Variants in APBB1IP observed in about 807,000 individuals in gnomAD.
The protein encoded by APBB1IP is amyloid beta A4 precursor protein-binding family B member 1-interacting protein.
A neutral mutation model predicts 64.9 loss-of-function variants in APBB1IP; 27 were observed. That is an observed-to-expected ratio of 0.42 (90% confidence interval 0.31 to 0.57). APBB1IP has a LOEUF of 0.57. Ranked by LOEUF, APBB1IP falls within the 20% of genes least tolerant of loss-of-function variation. The probability of loss-of-function intolerance (pLI) is 0.20; values close to 1 mark genes in which losing one functional copy is unlikely to be tolerated. For synonymous variants in APBB1IP, 392 were observed against 331.0 expected (o/e 1.18, Z -2.00); for missense variants, 812 against 845.5 (o/e 0.96, Z 0.49).
chr10:26,457,567 C>T (rs1483147635), intron 2 of APBB1IP, among the ~76,000 whole-genome samples: 1 of 152,192 alleles, frequency 6.6e-6, no homozygotes, highest in Non-Finnish European at 1.5e-5. Flanking sequence ...GTCCCCAGTT[C>T]CCAAGATAAC....
intron 2 of APBB1IP, among the ~76,000 whole-genome samples, chr10:26,469,691 C>A (rs1202419260): frequency 1.3e-5 from 2 of 151,930 alleles, no homozygotes; most frequent in African/African-American, 4.8e-5. Context: ...TACAGATGAT[C>A]CCATCACCCG....
intron 11 of APBB1IP, among the ~76,000 whole-genome samples, chr10:26,555,576 GA>G: frequency 6.6e-6 from 1 of 152,182 alleles, no homozygotes; most frequent in South Asian, 2.1e-4. Flanking sequence ...ATTAACACAT[GA>G]GCTCTCTTAT....
Position 26,472,569 on chromosome 10 carries a change from TTTCATTCA to T in APBB1IP, c.1-19733_1-19726del, listed in dbSNP as rs57015999. On this transcript the variant is annotated intron_variant, in intron 2 of 14. Transcript: ENST00000376236. ...ACATTCAGTATCCTCATCGTGTTTGTTTCATTCATTCATTCATTCATTCATTCATTCAC... is the reference window on the plus strand; with the variant it reads ...ACATTCAGTATCCTCATCGTGTTTGTTTCATTCATTCATTCATTCATTCAC... Among the ~76,000 whole-genome samples, 401 of 149,652 alleles carry T rather than the reference TTTCATTCA, an allele frequency of 2.7e-3. 9 individuals are homozygous for T. In the South Asian group the frequency reaches 0.038, roughly 14 times the overall value.
intron 11 of APBB1IP, among the ~76,000 whole-genome samples, chr10:26,550,736 CT>C (rs1163355052): frequency 6.6e-6 from 1 of 152,208 alleles, no homozygotes; most frequent in Non-Finnish European, 1.5e-5. Context: ...GCTGGCACCT[CT>C]TTTTGTCCAT....
At chr10:26,487,309 T>C (rs184306408) in intron 2 of APBB1IP, among the ~76,000 whole-genome samples, 1 of 152,282 alleles carries the variant, frequency 6.6e-6, no homozygotes, top group East Asian at 1.9e-4. Flanking sequence ...CTTGTGTGTG[T>C]GTACACTGTA....
chr10:26,542,610 A>T (rs1274229071), intron 11 of APBB1IP, among the ~76,000 whole-genome samples: 2 of 152,110 alleles, frequency 1.3e-5, no homozygotes, highest in Admixed American at 6.6e-5. Context: ...CTTTTTAGTC[A>T]AATGCAATAA....
At chr10:26,545,997 A>T (rs1028556741) in intron 11 of APBB1IP, among the ~76,000 whole-genome samples, 1 of 152,184 alleles carries the variant, frequency 6.6e-6, no homozygotes, top group African/African-American at 2.4e-5. Context: ...TGATAAGGCC[A>T]GGCTAAAGTT....
intron 4 of APBB1IP, among the ~76,000 whole-genome samples, chr10:26,496,690 G>A (rs1289556502): frequency 1.3e-5 from 2 of 151,690 alleles, no homozygotes; most frequent in African/African-American, 2.4e-5. Context: ...GAGTAACAAG[G>A]GGTAGTATAC....
rs1654057482 is a variant in APBB1IP at position 26,523,577 on chromosome 10, C to CACTTGAAGTGT, written c.814-9858_814-9857insGAAGTGTACTT. The stretch of plus-strand genomic sequence containing the variant: ...GGCAGGTCCACTTTAGAAAATGGTA[C>CACTTGAAGTGT]ACTTCAAGACTGAGGATGTGACAAT... On this transcript the variant is annotated intron_variant, in intron 8 of 14. Transcript: ENST00000376236. Among the ~76,000 whole-genome samples the CACTTGAAGTGT allele has an allele frequency of 2.0e-5, 3 of 152,158 alleles. 1 individual carries two copies.
intron 4 of APBB1IP, among the ~76,000 whole-genome samples, chr10:26,498,307 A>G (rs557520704): frequency 6.6e-6 from 1 of 152,024 alleles, no homozygotes; most frequent in Admixed American, 6.6e-5. Context: ...TCAGAATTTC[A>G]AGACCAGCCT....
At chr10:26,512,783 G>T (rs1836277274) in intron 7 of APBB1IP, among the ~76,000 whole-genome samples, 1 of 152,070 alleles carries the variant, frequency 6.6e-6, no homozygotes, top group African/African-American at 2.4e-5. Flanking sequence ...TTTTAATAAT[G>T]GGACAGTCGT....
At chr10:26,454,312 A>G (rs912479288) in intron 2 of APBB1IP, among the ~76,000 whole-genome samples, 3 of 152,008 alleles carry the variant, frequency 2.0e-5, no homozygotes, top group Non-Finnish European at 4.4e-5. Flanking sequence ...GTGGTGGTGG[A>G]TGCCTGTAGT....
chr10:26,524,975 A>AT (rs1472838169), intron 8 of APBB1IP, among the ~76,000 whole-genome samples: 3 of 21,572 alleles, frequency 1.4e-4, no homozygotes, highest in East Asian at 2.6e-3. Context: ...TTTTTTTTTT[A>AT]TAAAAAAAGG....
chr10:26,449,278 G>T (rs1204468099), intron 2 of APBB1IP, among the ~76,000 whole-genome samples: 1 of 152,098 alleles, frequency 6.6e-6, no homozygotes, highest in Non-Finnish European at 1.5e-5. Flanking sequence ...TCCCCTTGTG[G>T]ACTTGGGTGT....
intron 8 of APBB1IP, among the ~76,000 whole-genome samples, chr10:26,528,107 T>C (rs1836501073): frequency 6.6e-6 from 1 of 152,218 alleles, no homozygotes; most frequent in Non-Finnish European, 1.5e-5. Context: ...AGCTCTCTGC[T>C]TAGAATCCAT....
In APBB1IP at chr10:26,479,172, G is replaced by A; in HGVS notation, c.1-13155G>A. ...TAGCCGGGCGTAGTGGCGGGCGCCT[G>A]TAGTCCCAGCTACTTGGGAGGCTGA... is the stretch of plus-strand genomic sequence containing the variant. On this transcript the variant is annotated intron_variant, in intron 2 of 14. Transcript: ENST00000376236. Among the ~76,000 whole-genome samples, 2 of 27,694 alleles carry A rather than the reference G, an allele frequency of 7.2e-5. 1 individual carries two copies. Among genetic ancestry groups the A allele is most frequent in the East Asian group, 3.2e-3 (2 of 620 alleles). The allele number at this position is 27,694 out of a possible 152,430, so 18.2% of individuals were successfully genotyped here.
At chr10:26,558,542 A>T (rs144122642) in intron 11 of APBB1IP, among the ~76,000 whole-genome samples, 220 of 150,896 alleles carry the variant, frequency 1.5e-3, no homozygotes, top group African/African-American at 5.1e-3. Context: ...GCACTTTGGG[A>T]GGCTAAGGTG....
intron 3 of APBB1IP, among the ~76,000 whole-genome samples, chr10:26,494,512 CTTAT>C (rs779895426): frequency 6.6e-5 from 10 of 152,196 alleles, no homozygotes; most frequent in Admixed American, 5.9e-4. Context: ...TTTTGAAAGA[CTTAT>C]TTATTTTAGG....
At chr10:26,439,300 G>A (rs1002191922) in intron 2 of APBB1IP, among the ~76,000 whole-genome samples, 31 of 152,164 alleles carry the variant, frequency 2.0e-4, no homozygotes, top group African/African-American at 7.0e-4. Flanking sequence ...AATGCCAGCC[G>A]TGTGAGAATT....
Sources: allele counts gnomAD v4.1 joint callset (sites outside exome capture counted in the v4.1 genomes callset), GRCh38; gene constraint gnomAD v4.1.1; transcripts MANE v1.5; gene names NCBI Gene and HGNC (gene_info 2026-07-23, HGNC 2026-07-21).